The following AVEN variants were observed in gnomAD, a reference collection of about 807,000 sequenced individuals.
AVEN encodes the protein apoptosis and caspase activation inhibitor.
AVEN carries 41 observed loss-of-function variants against 38.1 expected under a neutral mutation model. The observed-to-expected ratio is 1.08, with a 90% CI of 0.84 to 1.40. The LOEUF (loss-of-function observed/expected upper bound fraction) is 1.40. Among genes scored for constraint, AVEN ranks in the 40% most tolerant of loss-of-function variants. AVEN has a pLI of 0.00. For synonymous variants in AVEN, 206 were observed against 171.8 expected, an observed-to-expected ratio of 1.20 and a Z score of -1.56; for missense variants, 605 against 438.8, an observed-to-expected ratio of 1.38 and a Z score of -3.38.
chr15:33,928,863 CATA>C (rs1003949735), intron 2 of AVEN, among the ~76,000 whole-genome samples: 4 of 152,136 alleles, frequency 2.6e-5, no homozygotes, highest in Non-Finnish European at 4.4e-5. Flanking sequence ...CAAGAATCAA[CATA>C]ATAACAAATA....
At chr15:33,861,103 G>C (rs1438329298) in intron 11 of AVEN, 1 of 1,594,402 alleles carries the variant, frequency 6.3e-7, no homozygotes, top group Non-Finnish European at 8.6e-7. Flanking sequence ...TGTGGGATTG[G>C]CAATGACTAC....
downstream of AVEN, chr15:33,865,268 C>A (rs760481884): frequency 2.8e-6 from 4 of 1,429,768 alleles, no homozygotes; most frequent in South Asian, 4.7e-5. Context: ...CAGTCAACTT[C>A]CCATGAAATA....
intron 4 of AVEN, among the ~76,000 whole-genome samples, chr15:33,870,600 G>A (rs551079541): frequency 5.0e-4 from 76 of 152,244 alleles, no homozygotes; most frequent in Non-Finnish European, 9.7e-4. Flanking sequence ...AGAAAGGCAG[G>A]AACGACATCT....
At position 33,875,953 on chromosome 15, in the gene AVEN, C is replaced by G; in HGVS notation, c.488G>C (p.Trp163Ser). The change falls in exon 3 of 6, where the codon TGG becomes TCG. Residue 163 changes from tryptophan (W) to serine (S), a missense_variant. Physicochemically the swap from Trp to Ser is radical, Grantham distance 177. Transcript: ENST00000306730. ...TTTTGGACAAGAAGCTTCACTATCC[C>G]ATTCTTTCTCCTCAGCAAACCGGAA... is the stretch of plus-strand genomic sequence containing the variant. ...SQFRFAEEKEWDSEASCPKQN... is the reference protein window; with the variant it reads ...SQFRFAEEKESDSEASCPKQN... The G allele has an allele frequency of 1.2e-6, 2 of 1,613,788 alleles. No homozygotes were observed. The highest frequency in any genetic ancestry group is 1.7e-6 in the Non-Finnish European group (2 of 1,179,978).
chr15:33,910,388 A>C (rs1892873492), intron 2 of AVEN, among the ~76,000 whole-genome samples: 1 of 152,178 alleles, frequency 6.6e-6, no homozygotes, highest in Non-Finnish European at 1.5e-5. Context: ...AAGCAAACAC[A>C]TTTACCACAT....
At chr15:34,065,599 C>T (rs1900489641) in intron 4 of AVEN, 1 of 152,174 alleles carries the variant, frequency 6.6e-6, no homozygotes, top group Non-Finnish European at 1.5e-5. Flanking sequence ...TGAAAATGAT[C>T]TGAAAGCTTC....
chr15:34,058,555 A>AC (rs4041434), intron 5 of AVEN, among the ~76,000 whole-genome samples: 1 of 143,180 alleles, frequency 7.0e-6, no homozygotes. Flanking sequence ...CTTTAATTCT[A>AC]ACACACACAC....
intron 2 of AVEN, among the ~76,000 whole-genome samples, chr15:33,923,807 T>C (rs1271737386): frequency 6.6e-6 from 1 of 151,698 alleles, no homozygotes; most frequent in Non-Finnish European, 1.5e-5. Flanking sequence ...CCCATCCCCA[T>C]TCTCACAAGA....
chr15:33,974,438 C>T (rs894447166), intron 2 of AVEN, among the ~76,000 whole-genome samples: 11 of 152,098 alleles, frequency 7.2e-5, no homozygotes, highest in African/African-American at 1.9e-4. Flanking sequence ...TACAATATAC[C>T]AACAATGGTG....
At chr15:33,911,828 T>C (rs1318253340) in intron 2 of AVEN, among the ~76,000 whole-genome samples, 2 of 152,248 alleles carry the variant, frequency 1.3e-5, no homozygotes, top group African/African-American at 2.4e-5. Context: ...AACTAGCTAA[T>C]GACTTATACC....
exon 4 of AVEN, chr15:34,066,092 C>T (rs1361517778): frequency 6.6e-6 from 1 of 152,252 alleles, no homozygotes; most frequent in African/African-American, 2.4e-5. Context: ...CTTATAAAGA[C>T]TTCACGTTGA....
At chr15:33,879,581 G>A (rs1187757702) in intron 2 of AVEN, among the ~76,000 whole-genome samples, 1 of 151,998 alleles carries the variant, frequency 6.6e-6, no homozygotes. Flanking sequence ...AGATAGTGAA[G>A]CAATGTCTCG....
At position 34,024,294 on chromosome 15, in the gene AVEN, ATAAATGG is replaced by A. The variant is rs1430564612; in HGVS notation, c.267+14479_267+14485del. Among the ~76,000 whole-genome samples the A allele has an allele frequency of 2.0e-5, 3 of 152,142 alleles. No individual in the cohort carries two copies. The East Asian group carries it at 5.8e-4, about 29-fold the overall frequency. ...TAAGACACCATCACTTCAGGTAGTGATAAATGGTATCAAAATAAAGTAGGTATGAGAT... is the reference window on the plus strand; with the variant it reads ...TAAGACACCATCACTTCAGGTAGTGATATCAAAATAAAGTAGGTATGAGAT... On this transcript the variant is annotated intron_variant, in intron 1 of 5. Coordinates refer to ENST00000306730, the MANE Select transcript of AVEN (RefSeq NM_020371.3).
intron 4 of AVEN, among the ~76,000 whole-genome samples, chr15:33,870,320 C>G (rs1412819270): frequency 1.3e-5 from 2 of 152,172 alleles, no homozygotes; most frequent in African/African-American, 4.8e-5. Flanking sequence ...CACATGCACT[C>G]CAATCCCACA....
chr15:34,058,919 C>T (rs1021178198), intron 5 of AVEN, among the ~76,000 whole-genome samples: 2 of 152,070 alleles, frequency 1.3e-5, no homozygotes, highest in African/African-American at 4.8e-5. Flanking sequence ...TCTTTTGAAA[C>T]AGAGTCTCAC....
chr15:33,899,493 G>A (rs1259750082), intron 2 of AVEN, among the ~76,000 whole-genome samples: 7 of 71,674 alleles, frequency 9.8e-5, no homozygotes, highest in East Asian at 5.0e-4. Context: ...TTTTTGAGAC[G>A]GAGTGTTGCT....
At chr15:33,893,876 T>C (rs147612656) in intron 2 of AVEN, among the ~76,000 whole-genome samples, 21 of 151,880 alleles carry the variant, frequency 1.4e-4, no homozygotes, top group African/African-American at 4.8e-4. Context: ...CATCAATTCA[T>C]CAGTGACACC....
At chr15:33,889,308 G>A (rs1243299946) in intron 2 of AVEN, among the ~76,000 whole-genome samples, 2 of 151,998 alleles carry the variant, frequency 1.3e-5, no homozygotes, top group African/African-American at 4.8e-5. Context: ...ATCTCTGTCA[G>A]TATAACAAAA....
intron 5 of AVEN, among the ~76,000 whole-genome samples, chr15:34,053,319 A>AAATATAT (rs775436850): frequency 5.7e-4 from 24 of 42,070 alleles, no homozygotes; most frequent in African/African-American, 9.5e-4. Context: ...AAAAAAAAAA[A>AAATATAT]ATATATATAT....
Sources: allele counts gnomAD v4.1 joint callset (sites outside exome capture counted in the v4.1 genomes callset), GRCh38; gene constraint gnomAD v4.1.1; transcripts MANE v1.5; gene names NCBI Gene and HGNC (gene_info 2026-07-23, HGNC 2026-07-21).